The following EVI5 variants were observed in gnomAD, a reference collection of about 807,000 sequenced individuals.
The protein encoded by EVI5 is ecotropic viral integration site 5 protein homolog.
Under a neutral mutation model 112.0 loss-of-function variants are expected in EVI5, and 73 were observed. That is an observed-to-expected ratio of 0.65 (90% CI 0.54 to 0.79). The LOEUF is 0.79. Ranked by LOEUF, EVI5 falls within the 30% of genes least tolerant of loss-of-function variation. The pLI, the probability that EVI5 is intolerant of heterozygous loss-of-function variation, is 0.00. For synonymous variants in EVI5, 305 were observed against 319.9 expected, an observed-to-expected ratio of 0.95 and a Z score of 0.50; for missense variants, 900 against 968.8, an observed-to-expected ratio of 0.93 and a Z score of 0.94.
At chr1:92,744,478 CTTCT>C (rs1349570091) in intron 1 of EVI5, among the ~76,000 whole-genome samples, 42 of 152,102 alleles carry the variant, frequency 2.8e-4, no homozygotes, top group African/African-American at 9.7e-4. Context: ...ACTATTTTGT[CTTCT>C]TTGAGAACGG....
rs986092964 is a variant in EVI5 at position 92,511,493 on chromosome 1, C to T, written c.*2163G>A. The T allele has an allele frequency of 6.6e-6, 1 of 152,140 alleles. No homozygotes were observed. The highest frequency in any genetic ancestry group is 1.5e-5 in the Non-Finnish European group (1 of 68,056). The allele number at this position is 152,140 out of a possible 1,614,324, so 9.4% of individuals were successfully genotyped here. The stretch of plus-strand genomic sequence containing the variant: ...CAAAACAGAGAATTGAGAAATTCTT[C>T]AGCTGAACCCTTTCAAAAGCTTTGG... On this transcript the variant is annotated 3_prime_UTR_variant, in exon 20 of 20. Coordinates refer to ENST00000684568, the MANE Select transcript of EVI5 (RefSeq NM_001350197.2).
intron 19 of EVI5, among the ~76,000 whole-genome samples, chr1:92,545,407 C>T (rs1665516297): frequency 2.6e-5 from 2 of 76,434 alleles, no homozygotes; most frequent in Admixed American, 3.4e-4. Flanking sequence ...AATCAAACTA[C>T]TTGATGTAAA....
intron 18 of EVI5, among the ~76,000 whole-genome samples, chr1:92,571,781 A>T (rs1054295266): frequency 1.3e-5 from 2 of 152,186 alleles, no homozygotes; most frequent in African/African-American, 4.8e-5. Flanking sequence ...GAAAATGTCA[A>T]CTACACTAAT....
intron 2 of EVI5, among the ~76,000 whole-genome samples, chr1:92,712,006 A>C (rs1358312824): frequency 6.6e-6 from 1 of 152,198 alleles, no homozygotes; most frequent in Non-Finnish European, 1.5e-5. Context: ...GGACTCCCTC[A>C]AGCCTCTTAT....
chr1:92,719,672 A>G (rs1267828716), intron 2 of EVI5, among the ~76,000 whole-genome samples: 2 of 152,046 alleles, frequency 1.3e-5, no homozygotes, highest in East Asian at 3.8e-4. Context: ...CTCCTATTCA[A>G]CATACTGTTG....
chr1:92,603,403 T>C (rs1422614252), intron 18 of EVI5, among the ~76,000 whole-genome samples: 2 of 152,162 alleles, frequency 1.3e-5, no homozygotes, highest in Non-Finnish European at 2.9e-5. Flanking sequence ...CCTGTATTCA[T>C]AGCAGCATTA....
chr1:92,563,583 T>C (rs972905609), intron 19 of EVI5, 59 bp downstream of exon 19: 22 of 800,846 alleles, frequency 2.7e-5, no homozygotes, highest in Middle Eastern at 5.7e-4. Flanking sequence ...TAATAAAGTG[T>C]TGTTACAATA....
At chr1:92,662,645 T>C (rs762400741) in intron 13 of EVI5, 74 bp downstream of exon 13, 132 of 961,548 alleles carry the variant, frequency 1.4e-4, no homozygotes, top group Middle Eastern at 2.7e-4. Flanking sequence ...GCACAAAATC[T>C]GTGCTATGAA....
At chr1:92,735,658 A>AAT (rs3042597) in intron 2 of EVI5, among the ~76,000 whole-genome samples, 127,742 of 142,428 alleles carry the variant, frequency 0.9, 57,349 homozygotes, top group East Asian at 0.97. Flanking sequence ...ATATAATTAT[A>AAT]TAATTCAACA....
At chr1:92,657,599 G>A in intron 13 of EVI5, among the ~76,000 whole-genome samples, 1 of 152,050 alleles carries the variant, frequency 6.6e-6, no homozygotes, top group East Asian at 1.9e-4. Flanking sequence ...GGAGGTTGAG[G>A]CTGCAGTGAG....
intron 14 of EVI5, among the ~76,000 whole-genome samples, chr1:92,629,035 G>A (rs542496659): frequency 6.6e-6 from 1 of 152,260 alleles, no homozygotes; most frequent in South Asian, 2.1e-4. Context: ...ATTTTTGAAT[G>A]GAACCCAAAT....
rs1661598416 is a variant in EVI5 at position 92,524,945 on chromosome 1, A to G, written c.2167-10975T>C. ...CAGACTCAAGCAATTCTCCTGCCTC[A>G]GCCTCCTCAGTAGCTGGGATTATAG... On this transcript the variant is annotated intron_variant, in intron 19 of 19. Coordinates refer to ENST00000684568, the MANE Select transcript of EVI5 (RefSeq NM_001350197.2). 2.0e-5 allele frequency among the ~76,000 whole-genome samples: 3 copies of G among 150,322 alleles called. No homozygotes were observed. The South Asian group carries it at 6.3e-4, about 32-fold the overall frequency.
chr1:92,633,114 T>G (rs1657580703), intron 14 of EVI5, among the ~76,000 whole-genome samples: 1 of 152,156 alleles, frequency 6.6e-6, no homozygotes, highest in Non-Finnish European at 1.5e-5. Context: ...AATTTTGGAG[T>G]AGGTGTTGTG....
At chr1:92,642,971 A>G (rs993909762) in intron 13 of EVI5, among the ~76,000 whole-genome samples, 1 of 152,240 alleles carries the variant, frequency 6.6e-6, no homozygotes, top group African/African-American at 2.4e-5. Flanking sequence ...CATAATAAAA[A>G]CACCTGAATG....
intron 9 of EVI5, among the ~76,000 whole-genome samples, chr1:92,686,831 C>G (rs916417741): frequency 6.6e-6 from 1 of 152,092 alleles, no homozygotes. Context: ...ATACAACTTA[C>G]AAGGGATGTG....
rs189640979 is a variant in EVI5 at position 92,772,976 on chromosome 1, G to C, written c.-82+11860C>G. On this transcript the variant is annotated intron_variant, in intron 1 of 19. Transcript: ENST00000684568. ...TAATCCCAGCACTTTCAGAGCCCGA[G>C]GTGGGCAGATCACCTGAGGTCAGGA... Among the ~76,000 whole-genome samples the C allele has an allele frequency of 1.2e-3, 173 of 149,322 alleles. 1 individual carries two copies. The highest frequency in any genetic ancestry group is 1.8e-3 in the Non-Finnish European group (123 of 67,740).
intron 2 of EVI5, among the ~76,000 whole-genome samples, chr1:92,730,143 T>C (rs1676210960): frequency 6.6e-6 from 1 of 152,066 alleles, no homozygotes. Flanking sequence ...GGCAGGAGGA[T>C]CACTTGAGCC....
At chr1:92,599,050 T>C (rs141552262) in intron 18 of EVI5, among the ~76,000 whole-genome samples, 2 of 151,866 alleles carry the variant, frequency 1.3e-5, no homozygotes, top group East Asian at 1.9e-4. Context: ...TATATCTATA[T>C]ACTACATAGC....
At chr1:92,522,202 C>T (rs1396900061) in intron 19 of EVI5, among the ~76,000 whole-genome samples, 1 of 152,190 alleles carries the variant, frequency 6.6e-6, no homozygotes, top group Non-Finnish European at 1.5e-5. Context: ...AGTTTCTGAA[C>T]TCACAGTTCT....
Sources: allele counts gnomAD v4.1 joint callset (sites outside exome capture counted in the v4.1 genomes callset), GRCh38; gene constraint gnomAD v4.1.1; transcripts MANE v1.5; gene names NCBI Gene and HGNC (gene_info 2026-07-23, HGNC 2026-07-21).